DSC2: variants seen among roughly 807,000 people sequenced by gnomAD.
DSC2 encodes the protein desmocollin-2.
A neutral mutation model predicts 87.6 loss-of-function variants in DSC2; 51 were observed. That is an observed-to-expected ratio of 0.58 (90% CI 0.46 to 0.74). The LOEUF (loss-of-function observed/expected upper bound fraction) is 0.74. Among genes scored for constraint, DSC2 ranks in the 30% least tolerant of loss-of-function variants. DSC2 has a pLI of 0.00. For synonymous variants in DSC2, 383 were observed against 393.2 expected (o/e 0.97, Z 0.31); for missense variants, 1,066 against 1,089.5 (o/e 0.98, Z 0.30).
Position 31,067,961 on chromosome 18 carries a change from A to T in DSC2, c.*54T>A. 1 of 1,573,200 alleles carries T rather than the reference A, an allele frequency of 6.4e-7. No individual in the cohort carries two copies. Among genetic ancestry groups the T allele is most frequent in the Non-Finnish European group, 8.7e-7 (1 of 1,148,006 alleles). Reference sequence around the variant, plus strand: ...TGCTTTAAAAAATTCTTGGTTTGTAATTTTTTTTAAAAGTCATAAAGCCAC... The same window carrying T: ...TGCTTTAAAAAATTCTTGGTTTGTATTTTTTTTTAAAAGTCATAAAGCCAC... On this transcript the variant is annotated 3_prime_UTR_variant, in exon 16 of 16. Coordinates refer to ENST00000280904, the MANE Select transcript of DSC2 (RefSeq NM_024422.6).
In DSC2 at chr18:31,062,166, G is replaced by C. The variant is rs1471926621; in HGVS notation, c.*5849C>G. On this transcript the variant is annotated 3_prime_UTR_variant, in exon 16 of 16. Coordinates refer to ENST00000280904, the MANE Select transcript of DSC2 (RefSeq NM_024422.6). ...CTCTCAGGGCACACATGAGCACGGT[G>C]GTTTCCTGTTACAGAATGTTCTCCC... The C allele has an allele frequency of 3.9e-5, 6 of 152,268 alleles. No individual in the cohort carries two copies. The highest frequency in any genetic ancestry group is 1.3e-4 in the Admixed American group (2 of 15,296). 9.4% of individuals were successfully genotyped at this position (152,268 alleles called of 1,614,324 possible).
intron 2 of DSC2, 44 bp from the exon 3 acceptor site, chr18:31,092,344 G>C (rs1252832230): frequency 1.3e-6 from 2 of 1,546,988 alleles, no homozygotes; most frequent in East Asian, 4.5e-5. Context: ...GTAAAACATA[G>C]GATATAGTTT....
rs746173561 is a variant in DSC2 at position 31,087,695 on chromosome 18, A to G, written c.749T>C (p.Phe250Ser). The change falls in exon 6 of 16, where the codon TTT becomes TCT. Residue 250 changes from phenylalanine to serine, a missense_variant. Coordinates refer to ENST00000280904, the MANE Select transcript of DSC2 (RefSeq NM_024422.6). ...YPIFTEETYTFTIFENCRVGT... is the reference protein window; with the variant it reads ...YPIFTEETYTSTIFENCRVGT... ...CACTCTGCAATTTTCAAAAATTGTA[A>G]AAGTATAAGTTTCTTCTGTAAAAAT... 1 of 1,613,284 alleles carries G rather than the reference A, an allele frequency of 6.2e-7. No individual in the cohort carries two copies. The highest frequency in any genetic ancestry group is 1.1e-5 in the South Asian group (1 of 91,062).
intron 4 of DSC2, 50 bp from the exon 5 acceptor site, chr18:31,089,644 C>A (rs371897208): frequency 6.5e-7 from 1 of 1,547,794 alleles, no homozygotes; most frequent in Non-Finnish European, 8.9e-7. Context: ...TTCAGCAGAG[C>A]TTTCATCTAT....
chr18:31,088,851 A>G (rs552968929), intron 5 of DSC2, among the ~76,000 whole-genome samples: 2 of 152,136 alleles, frequency 1.3e-5, no homozygotes, highest in African/African-American at 4.8e-5. Flanking sequence ...AGGTTCACAG[A>G]TCTTTTTGTG....
At chr18:31,090,043 T>C (rs2144840349) in intron 4 of DSC2, among the ~76,000 whole-genome samples, 1 of 152,336 alleles carries the variant, frequency 6.6e-6, no homozygotes, top group African/African-American at 2.4e-5. Flanking sequence ...ATGAGTTTTT[T>C]GTTCTTTGCC....
Position 31,082,377 on chromosome 18 carries a change from C to A in DSC2, c.1124G>T (p.Arg375Leu). ...EENTVDVEILRVTVEDKDLVN... is the reference protein window; with the variant it reads ...EENTVDVEILLVTVEDKDLVN... ...TAAGTCCTTATCCTCAACAGTAACT[C>A]GTAAGATTTCCACATCAACTGTATT... The change falls in exon 9 of 16, where the codon CGA becomes CTA. Residue 375 changes from arginine to leucine, a missense_variant. Coordinates refer to ENST00000280904, the MANE Select transcript of DSC2 (RefSeq NM_024422.6). 1.2e-6 allele frequency: 2 copies of A among 1,613,736 alleles called. No individual in the cohort carries two copies. Among genetic ancestry groups the A allele is most frequent in the East Asian group, 2.2e-5 (1 of 44,836 alleles).
Position 31,068,896 on chromosome 18 carries a change from C to T in DSC2, c.2506G>A (p.Glu836Lys). ...WHSFTQPRLG[E>K]KVYLCNQDEN... is the part of the protein sequence containing the mutation. ...GTAGGCCACTTAGGAAAACTCACTTCACCAAGACGGGGCTGAGTAAAACTG... is the reference window on the plus strand; with the variant it reads ...GTAGGCCACTTAGGAAAACTCACTTTACCAAGACGGGGCTGAGTAAAACTG... The change falls in exon 15 of 16, where the codon GAA becomes AAA. Residue 836 changes from glutamate to lysine, a missense_variant and splice_region_variant. Coordinates refer to ENST00000280904, the MANE Select transcript of DSC2 (RefSeq NM_024422.6). The T allele has an allele frequency of 1.2e-6, 2 of 1,613,226 alleles. No individual in the cohort carries two copies. Among genetic ancestry groups the T allele is most frequent in the Non-Finnish European group, 1.7e-6 (2 of 1,179,984 alleles).
intron 1 of DSC2, 28 bp downstream of exon 1, chr18:31,101,875 C>T (rs1434769656): frequency 6.5e-7 from 1 of 1,530,402 alleles, no homozygotes; most frequent in East Asian, 2.5e-5. Flanking sequence ...GCCCCCTTCC[C>T]CGGAGCGGTG....
rs1225345153 is a variant in DSC2 at position 31,062,854 on chromosome 18, GCAAA to G, written c.*5157_*5160del. On this transcript the variant is annotated 3_prime_UTR_variant, in exon 16 of 16. Coordinates refer to ENST00000280904, the MANE Select transcript of DSC2 (RefSeq NM_024422.6). The stretch of plus-strand genomic sequence containing the variant: ...CACTTTCCTGTATTAAGCTGTGAAT[GCAAA>G]CAATTGTTCTAGTCATTCAATGTCT... 18 of 152,128 alleles carry G rather than the reference GCAAA, an allele frequency of 1.2e-4. No homozygotes were observed. Among genetic ancestry groups the G allele is most frequent in the African/African-American group, 3.4e-4 (14 of 41,428 alleles). 9.4% of individuals were successfully genotyped at this position (152,128 alleles called of 1,614,324 possible). A position where few individuals can be genotyped will look rare whatever the true frequency, so the allele number is the denominator to read the frequency against.
chr18:31,092,839 T>A (rs1473286781), intron 2 of DSC2, among the ~76,000 whole-genome samples: 1 of 152,104 alleles, frequency 6.6e-6, no homozygotes, highest in Non-Finnish European at 1.5e-5. Flanking sequence ...AAAAACAGTA[T>A]CTTTAAACTA....
rs116362521 is a variant in DSC2, at chr18:31,091,797, T to G, written c.354+304A>C. 2.6e-3 allele frequency among the ~76,000 whole-genome samples: 394 copies of G among 152,258 alleles called. 3 individuals are homozygous for G. The highest frequency in any genetic ancestry group is 9.0e-3 in the African/African-American group (375 of 41,544). ...TCTTTATACAGAGTTTCAAAACTTG[T>G]TGTTAGAAATCCATTCTACGGTAAA... On this transcript the variant is annotated intron_variant, in intron 3 of 15. Transcript: ENST00000280904.
chr18:31,089,353 C>T, intron 5 of DSC2, 86 bp downstream of exon 5: 1 of 1,513,400 alleles, frequency 6.6e-7, no homozygotes, highest in South Asian at 1.1e-5. Flanking sequence ...ACTCAGAAAG[C>T]AGAAAAGGTT....
At chr18:31,085,856 A>C (rs1987378271) in intron 7 of DSC2, among the ~76,000 whole-genome samples, 1 of 152,128 alleles carries the variant, frequency 6.6e-6, no homozygotes, top group Non-Finnish European at 1.5e-5. Context: ...AGGAGGTAAT[A>C]GTTGAATAAC....
intron 3 of DSC2, among the ~76,000 whole-genome samples, chr18:31,091,843 T>C (rs916318951): frequency 6.6e-6 from 1 of 152,176 alleles, no homozygotes; most frequent in African/African-American, 2.4e-5. Context: ...AAAATGCTGC[T>C]TTGTGTCTAA....
At chr18:31,090,528 C>G (rs1987556008) in intron 4 of DSC2, among the ~76,000 whole-genome samples, 1 of 151,702 alleles carries the variant, frequency 6.6e-6, no homozygotes, top group South Asian at 2.1e-4. Context: ...TCAAAACCAG[C>G]CTAAGCAACA....
In DSC2 at chr18:31,079,202, G is replaced by A. The variant is rs116396232; in HGVS notation, c.1663+645C>T. ...TTCCTACAAAGTGAACACTTTAAGC[G>A]AAATAAGTAGATAAACTGAAACAAG... On this transcript the variant is annotated intron_variant, in intron 11 of 15. Transcript: ENST00000280904. Among the ~76,000 whole-genome samples the A allele has an allele frequency of 1.2e-3, 183 of 152,182 alleles. 2 individuals are homozygous for A. The highest frequency in any genetic ancestry group is 4.1e-3 in the African/African-American group (170 of 41,544).
intron 12 of DSC2, among the ~76,000 whole-genome samples, chr18:31,073,032 T>C (rs757163763): frequency 6.6e-6 from 1 of 152,182 alleles, no homozygotes; most frequent in Non-Finnish European, 1.5e-5. Context: ...TTTACTTAAC[T>C]AACAAACAGG....
chr18:31,083,264 C>T (rs1987291189), intron 7 of DSC2, among the ~76,000 whole-genome samples: 1 of 152,150 alleles, frequency 6.6e-6, no homozygotes, highest in African/African-American at 2.4e-5. Context: ...GACGAAGTCT[C>T]GCTCTGTTGC....
Sources: gnomAD v4.1 joint callset for allele counts (sites outside exome capture counted in the v4.1 genomes callset) on GRCh38, gnomAD v4.1.1 for gene constraint, MANE v1.5 for transcripts, NCBI Gene and HGNC (gene_info 2026-07-23, HGNC 2026-07-21) for gene names.